Variants in MSRA observed in about 807,000 individuals in gnomAD.
MSRA encodes mitochondrial peptide methionine sulfoxide reductase.
A neutral mutation model predicts 31.3 loss-of-function variants in MSRA; 54 were observed. That is an observed-to-expected ratio of 1.73 (90% confidence interval 1.39 to 2.17). MSRA has a LOEUF of 2.17. Ranked by LOEUF, MSRA falls within the 30% of genes most tolerant of loss-of-function variation. The pLI is 0.00. For missense variants in MSRA, 507 were observed against 300.9 expected (o/e 1.69, Z -5.07); for synonymous variants, 169 against 116.5 (o/e 1.45, Z -2.90).
chr8:10,411,550 G>A (rs1808160192), intron 5 of MSRA: 1 of 152,080 alleles, frequency 6.6e-6, no homozygotes, highest in Non-Finnish European at 1.5e-5. Context: ...AATATAGTGT[G>A]AGGTTAGACA....
chr8:10,126,760 C>T (rs570557670), intron 1 of MSRA, among the ~76,000 whole-genome samples: 7 of 152,338 alleles, frequency 4.6e-5, no homozygotes, highest in South Asian at 4.1e-4. Flanking sequence ...GTGATCCACT[C>T]GCCTTGGTCT....
At chr8:10,370,647 C>T (rs1322256738) in intron 5 of MSRA, among the ~76,000 whole-genome samples, 1 of 152,248 alleles carries the variant, frequency 6.6e-6, no homozygotes, top group Non-Finnish European at 1.5e-5. Flanking sequence ...AAACACCTCT[C>T]CCTCGGGCCA....
chr8:10,056,875 C>T (rs770626800), intron 1 of MSRA, among the ~76,000 whole-genome samples: 1 of 152,178 alleles, frequency 6.6e-6, no homozygotes. Flanking sequence ...TCAAAAGTTG[C>T]GTGACAAAAG....
chr8:10,404,416 T>A (rs900045813), intron 5 of MSRA, among the ~76,000 whole-genome samples: 2 of 152,126 alleles, frequency 1.3e-5, no homozygotes, highest in African/African-American at 4.8e-5. Context: ...CCCCCAACCC[T>A]CCGTGGGGAG....
At chr8:10,259,176 C>T (rs184556147) in intron 3 of MSRA, among the ~76,000 whole-genome samples, 22 of 151,840 alleles carry the variant, frequency 1.4e-4, no homozygotes, top group Admixed American at 3.9e-4. Flanking sequence ...TATTGAAGTT[C>T]TCAATGCCCT....
intron 1 of MSRA, among the ~76,000 whole-genome samples, chr8:10,057,098 T>C (rs1802415571): frequency 6.6e-6 from 1 of 152,094 alleles, no homozygotes; most frequent in South Asian, 2.1e-4. Flanking sequence ...ACCTTCAAAG[T>C]TTTTCAGTGT....
intron 1 of MSRA, among the ~76,000 whole-genome samples, chr8:10,158,453 T>A (rs1246163876): frequency 6.6e-6 from 1 of 152,252 alleles, no homozygotes; most frequent in East Asian, 1.9e-4. Context: ...TTGGATACTT[T>A]ACATAGGTGG....
rs947179192 is a variant in MSRA at position 10,087,690 on chromosome 8, A to G, written c.142+33032A>G. ...TCTCAGTGTTCAATGTCAGATGACA[A>G]TATTAGCTCACATTGTAAATATTCT... On this transcript the variant is annotated intron_variant, in intron 1 of 5. Coordinates refer to ENST00000317173, the MANE Select transcript of MSRA (RefSeq NM_012331.5). Among the ~76,000 whole-genome samples the G allele has an allele frequency of 4.6e-5, 7 of 152,218 alleles. No homozygotes were observed. In the East Asian group the frequency reaches 5.8e-4, roughly 13 times the overall value.
chr8:10,290,165 G>C (rs568368181), intron 3 of MSRA, among the ~76,000 whole-genome samples: 1 of 152,312 alleles, frequency 6.6e-6, no homozygotes, highest in Admixed American at 6.5e-5. Context: ...CTTGCCCGTA[G>C]TAAATGCCTT....
At chr8:10,055,512 T>C (rs1174388377) in intron 1 of MSRA, among the ~76,000 whole-genome samples, 3 of 152,206 alleles carry the variant, frequency 2.0e-5, no homozygotes, top group African/African-American at 4.8e-5. Flanking sequence ...AGCAGCAGCA[T>C]CACCACCTGG....
intron 1 of MSRA, among the ~76,000 whole-genome samples, chr8:10,145,684 A>T (rs1486771855): frequency 6.6e-6 from 1 of 152,224 alleles, no homozygotes; most frequent in Non-Finnish European, 1.5e-5. Flanking sequence ...GGTTTCCCTG[A>T]AATGTGTAAG....
intron 2 of MSRA, among the ~76,000 whole-genome samples, chr8:10,243,644 T>A (rs1046516112): frequency 6.6e-6 from 1 of 152,156 alleles, no homozygotes; most frequent in Admixed American, 6.5e-5. Context: ...ACAGAAAAAT[T>A]TGAAGAATGA....
chr8:10,240,469 T>C (rs1281581764), intron 2 of MSRA, among the ~76,000 whole-genome samples: 1 of 152,212 alleles, frequency 6.6e-6, no homozygotes, highest in Non-Finnish European at 1.5e-5. Context: ...CCATGCTTTG[T>C]GGATGAGTGC....
At chr8:10,108,281 C>G (rs1032538195) in intron 1 of MSRA, among the ~76,000 whole-genome samples, 1 of 152,178 alleles carries the variant, frequency 6.6e-6, no homozygotes, top group Admixed American at 6.5e-5. Context: ...GGGCAAGATC[C>G]TTTCATGATT....
chr8:10,125,683 T>C (rs921710904), intron 1 of MSRA, among the ~76,000 whole-genome samples: 1 of 152,164 alleles, frequency 6.6e-6, no homozygotes, highest in Admixed American at 6.5e-5. Context: ...CAGCCGAAAG[T>C]CTCTCGTGAA....
intron 5 of MSRA, among the ~76,000 whole-genome samples, chr8:10,325,384 T>G (rs919416098): frequency 6.6e-6 from 1 of 152,098 alleles, no homozygotes; most frequent in Non-Finnish European, 1.5e-5. Context: ...GTAATACTGT[T>G]AGAACAGCAA....
chr8:10,311,561 C>CT (rs1206821851), intron 4 of MSRA, among the ~76,000 whole-genome samples: 7 of 151,492 alleles, frequency 4.6e-5, no homozygotes, highest in Non-Finnish European at 8.8e-5. Context: ...AATCATGTAG[C>CT]TTTTTTTTTC....
intron 5 of MSRA, among the ~76,000 whole-genome samples, chr8:10,405,983 G>C (rs988906725): frequency 1.3e-5 from 2 of 152,274 alleles, no homozygotes; most frequent in African/African-American, 4.8e-5. Flanking sequence ...AGGAGACTGA[G>C]ACTGGCTATT....
At chr8:10,410,621 T>A (rs925833991) in intron 5 of MSRA, among the ~76,000 whole-genome samples, 2 of 152,066 alleles carry the variant, frequency 1.3e-5, no homozygotes, top group African/African-American at 4.8e-5. Context: ...CTCCTGAAGG[T>A]CATGCTGTTT....
Sources: allele counts gnomAD v4.1 joint callset (sites outside exome capture counted in the v4.1 genomes callset), GRCh38; gene constraint gnomAD v4.1.1; transcripts MANE v1.5; gene names NCBI Gene and HGNC (gene_info 2026-07-23, HGNC 2026-07-21).